SLC2A13: variants seen among roughly 807,000 people sequenced by gnomAD.
SLC2A13 encodes the protein proton myo-inositol cotransporter.
In SLC2A13, 32 loss-of-function variants were observed where a neutral mutation model predicts 64.4. The observed-to-expected ratio is 0.50, with a 90% confidence interval of 0.37 to 0.67. The LOEUF (loss-of-function observed/expected upper bound fraction) is 0.67. Among genes scored for constraint, SLC2A13 ranks in the 30% least tolerant of loss-of-function variants. The pLI is 0.00. For synonymous variants in SLC2A13, 338 were observed against 327.1 expected (o/e 1.03, Z -0.36); for missense variants, 743 against 829.2 (o/e 0.90, Z 1.28).
At chr12:39,970,369 T>C (rs1254628664) in intron 3 of SLC2A13, among the ~76,000 whole-genome samples, 1 of 152,216 alleles carries the variant, frequency 6.6e-6, no homozygotes, top group African/African-American at 2.4e-5. Flanking sequence ...TTGAAACTAC[T>C]CTCAAAAAGT....
intron 7 of SLC2A13, among the ~76,000 whole-genome samples, chr12:39,788,330 T>G (rs1029095296): frequency 3.9e-5 from 6 of 152,178 alleles, no homozygotes; most frequent in Non-Finnish European, 5.9e-5. Context: ...TTGGGGCCAT[T>G]ATTAAGTAAC....
intron 3 of SLC2A13, among the ~76,000 whole-genome samples, chr12:39,998,059 A>T (rs1482007929): frequency 6.6e-6 from 1 of 152,200 alleles, no homozygotes; most frequent in Non-Finnish European, 1.5e-5. Context: ...TACAAAAAAG[A>T]TACTTGCACA....
At chr12:39,980,910 C>A (rs1359864134) in intron 3 of SLC2A13, among the ~76,000 whole-genome samples, 1 of 151,802 alleles carries the variant, frequency 6.6e-6, no homozygotes, top group African/African-American at 2.4e-5. Context: ...CCAAAATTGA[C>A]CACATAGTTG....
chr12:40,002,029 T>G (rs981111576), intron 3 of SLC2A13, among the ~76,000 whole-genome samples: 4 of 152,224 alleles, frequency 2.6e-5, no homozygotes, highest in Non-Finnish European at 5.9e-5. Context: ...GCACACATTT[T>G]CACTAGGCTG....
chr12:39,978,868 C>T (rs894840796), intron 3 of SLC2A13, among the ~76,000 whole-genome samples: 17 of 151,226 alleles, frequency 1.1e-4, no homozygotes, highest in Non-Finnish European at 1.9e-4. Context: ...CCTCTGGGGG[C>T]AGGGCACAGA....
intron 4 of SLC2A13, among the ~76,000 whole-genome samples, chr12:39,935,175 A>G (rs1401057631): frequency 6.6e-6 from 1 of 152,208 alleles, no homozygotes; most frequent in Non-Finnish European, 1.5e-5. Flanking sequence ...AGATAGCTTG[A>G]GCCCAGGAGT....
intron 4 of SLC2A13, among the ~76,000 whole-genome samples, chr12:39,896,282 G>GTATGCATATGTGTATATATGTATACATA: frequency 2.6e-5 from 1 of 38,044 alleles, no homozygotes; most frequent in East Asian, 2.5e-3. Flanking sequence ...ATGTATACAT[G>GTATGCATATGTGTATATATGTATACATA]TATGTATATG....
chr12:39,781,534 A>G (rs1940983709), intron 7 of SLC2A13, among the ~76,000 whole-genome samples: 1 of 152,248 alleles, frequency 6.6e-6, no homozygotes, highest in African/African-American at 2.4e-5. Flanking sequence ...CCATTTCACA[A>G]ATGTAACAAA....
Position 39,756,880 on chromosome 12 carries a change from AGTCG to A in SLC2A13, c.*3142_*3145del, listed in dbSNP as rs1210091327. On this transcript the variant is annotated 3_prime_UTR_variant, in exon 10 of 10. Transcript: ENST00000280871. ...TGGTAAAATTAAATTATGAAAAAAT[AGTCG>A]GTATTCTCATAGCATTTTGTATCAG... is the stretch of plus-strand genomic sequence containing the variant. The A allele has an allele frequency of 6.6e-6, 1 of 151,682 alleles. No individual in the cohort carries two copies. Among genetic ancestry groups the A allele is most frequent in the Admixed American group, 6.6e-5 (1 of 15,180 alleles). 9.4% of individuals were successfully genotyped at this position (151,682 alleles called of 1,614,324 possible).
chr12:40,104,207 G>A (rs1939229709), intron 1 of SLC2A13, among the ~76,000 whole-genome samples: 1 of 152,152 alleles, frequency 6.6e-6, no homozygotes, highest in Non-Finnish European at 1.5e-5. Context: ...ACAAAAAACT[G>A]AATTATGAAA....
intron 1 of SLC2A13, among the ~76,000 whole-genome samples, chr12:40,072,291 G>A (rs1450953824): frequency 6.6e-6 from 1 of 151,908 alleles, no homozygotes; most frequent in Non-Finnish European, 1.5e-5. Context: ...TTTTTAAATT[G>A]TTAAGGTTTC....
intron 3 of SLC2A13, among the ~76,000 whole-genome samples, chr12:40,019,980 TGCATCTAAA>T (rs1409660773): frequency 1.3e-5 from 2 of 152,194 alleles, no homozygotes; most frequent in African/African-American, 2.4e-5. Context: ...AACTGAAATG[TGCATCTAAA>T]GCAAGGTATT....
intron 7 of SLC2A13, among the ~76,000 whole-genome samples, chr12:39,817,526 C>G (rs1175990374): frequency 1.3e-5 from 2 of 152,102 alleles, no homozygotes; most frequent in Non-Finnish European, 2.9e-5. Context: ...TCATAAAACA[C>G]CAAACTTTTA....
intron 7 of SLC2A13, among the ~76,000 whole-genome samples, chr12:39,782,680 T>C (rs536995042): frequency 2.2e-4 from 34 of 151,892 alleles, no homozygotes; most frequent in African/African-American, 7.7e-4. Context: ...CAGACAAAGG[T>C]TGGAACAGTT....
At chr12:40,081,472 T>C (rs1938399806) in intron 1 of SLC2A13, among the ~76,000 whole-genome samples, 1 of 152,204 alleles carries the variant, frequency 6.6e-6, no homozygotes, top group South Asian at 2.1e-4. Flanking sequence ...CTCAGATTGG[T>C]CTATTCTGCT....
chr12:40,074,664 G>T (rs1436901437), intron 1 of SLC2A13, among the ~76,000 whole-genome samples: 1 of 152,104 alleles, frequency 6.6e-6, no homozygotes, highest in Admixed American at 6.6e-5. Context: ...ATCTGAGTTT[G>T]ATTCTGATGT....
chr12:39,851,851 GA>G (rs1223347473), intron 6 of SLC2A13, among the ~76,000 whole-genome samples: 1 of 152,108 alleles, frequency 6.6e-6, no homozygotes, highest in Non-Finnish European at 1.5e-5. Flanking sequence ...CCTGTGTCAA[GA>G]ATTTTTAAAA....
At chr12:40,023,152 C>T (rs543838864) in intron 3 of SLC2A13, among the ~76,000 whole-genome samples, 23 of 152,204 alleles carry the variant, frequency 1.5e-4, no homozygotes, top group Non-Finnish European at 1.8e-4. Context: ...GTTCTAACAC[C>T]ACCATCTGTA....
intron 4 of SLC2A13, among the ~76,000 whole-genome samples, chr12:39,887,366 G>A (rs1326071530): frequency 6.6e-6 from 1 of 152,134 alleles, no homozygotes. Flanking sequence ...AGGGGGATAA[G>A]GAGCACAGCC....
Sources: allele counts gnomAD v4.1 joint callset (sites outside exome capture counted in the v4.1 genomes callset), GRCh38; gene constraint gnomAD v4.1.1; transcripts MANE v1.5; gene names NCBI Gene and HGNC (gene_info 2026-07-23, HGNC 2026-07-21).